The following VTI1B variants were observed in gnomAD, a reference collection of about 807,000 sequenced individuals.
VTI1B encodes the protein vesicle transport through interaction with t-SNAREs 1B.
VTI1B carries 18 observed loss-of-function variants against 28.6 expected under a neutral mutation model. The ratio of observed to expected loss-of-function variants is 0.63; its 90% confidence interval spans 0.43 to 0.93. VTI1B has a LOEUF of 0.93. Among genes scored for constraint, VTI1B ranks in the 40% least tolerant of loss-of-function variants. The pLI, the probability that VTI1B is intolerant of heterozygous loss-of-function variation, is 0.00. For missense variants in VTI1B, 283 were observed against 297.0 expected, an observed-to-expected ratio of 0.95 and a Z score of 0.35; for synonymous variants, 100 against 107.9, an observed-to-expected ratio of 0.93 and a Z score of 0.46.
At position 67,650,470 on chromosome 14, in the gene VTI1B, G is replaced by C. The variant is rs551371046; in HGVS notation, c.*915C>G. ...GACAATTATGCCTGTTATGTTAGTTGAACAGGGATGGTTTATTTCATTATC... is the reference window on the plus strand; with the variant it reads ...GACAATTATGCCTGTTATGTTAGTTCAACAGGGATGGTTTATTTCATTATC... On this transcript the variant is annotated 3_prime_UTR_variant, in exon 6 of 6. Transcript: ENST00000554659. 6.0e-5 allele frequency: 31 copies of C among 516,864 alleles called. No individual in the cohort carries two copies. In the East Asian group the frequency reaches 9.8e-4, roughly 16 times the overall value. The allele number at this position is 516,864 out of a possible 1,614,324, so 32.0% of individuals were successfully genotyped here.
chr14:67,651,047 C>CAATTGTAAA lies in VTI1B; in HGVS notation c.*329_*337dup. On this transcript the variant is annotated 3_prime_UTR_variant, in exon 6 of 6. Coordinates refer to ENST00000554659, the MANE Select transcript of VTI1B (RefSeq NM_006370.3). ...TAATGAGAACATTTACACATTCTCA[C>CAATTGTAAA]AATTGTAAAGTTTCCCCTCTATTTT... 1 of 1,118,474 alleles carries CAATTGTAAA rather than the reference C, an allele frequency of 8.9e-7. No homozygotes were observed. Among genetic ancestry groups the CAATTGTAAA allele is most frequent in the Non-Finnish European group, 1.3e-6 (1 of 783,034 alleles). 69.3% of individuals were successfully genotyped at this position (1,118,474 alleles called of 1,614,324 possible). A position where few individuals can be genotyped will look rare whatever the true frequency, so the allele number is the denominator to read the frequency against.
intron 3 of VTI1B, 136 bp from the exon 4 acceptor site, chr14:67,656,725 G>A (rs2037263223): frequency 1.0e-6 from 1 of 969,292 alleles, no homozygotes; most frequent in Non-Finnish European, 1.4e-6. Context: ...CAGAACCAAA[G>A]AAGCTAATGA....
At chr14:67,666,138 G>C (rs1216028898) in intron 1 of VTI1B, among the ~76,000 whole-genome samples, 1 of 152,230 alleles carries the variant, frequency 6.6e-6, no homozygotes. Context: ...AAGCCAGACA[G>C]TAAGAAGCAG....
At position 67,674,563 on chromosome 14, in the gene VTI1B, G is replaced by A. The variant is rs1405259590; in HGVS notation, c.-74C>T. 4 of 1,345,858 alleles carry A rather than the reference G, an allele frequency of 3.0e-6. No homozygotes were observed. Among genetic ancestry groups the A allele is most frequent in the South Asian group, 1.5e-5 (1 of 68,400 alleles). The allele number at this position is 1,345,858 out of a possible 1,614,324, so 83.4% of individuals were successfully genotyped here. A position where few individuals can be genotyped will look rare whatever the true frequency, so the allele number is the denominator to read the frequency against. ...CCCTTTCCTAGCCCGGCGGTCAGCC[G>A]CCCAGCCCAGTGGCCATAACGGCGA... On this transcript the variant is annotated 5_prime_UTR_variant, in exon 1 of 6. Transcript: ENST00000554659.
At chr14:67,660,093 G>C in intron 2 of VTI1B, 171 bp from the exon 3 acceptor site, 1 of 639,136 alleles carries the variant, frequency 1.6e-6, no homozygotes, top group Non-Finnish European at 2.6e-6. Context: ...CATTCTGAAT[G>C]CCTTGCATAG....
intron 1 of VTI1B, among the ~76,000 whole-genome samples, chr14:67,667,411 C>T (rs1018475295): frequency 6.6e-6 from 1 of 152,140 alleles, no homozygotes; most frequent in East Asian, 1.9e-4. Flanking sequence ...CCACACCATA[C>T]AAGAGTTAAA....
In VTI1B at chr14:67,648,393, A is replaced by G. The variant is rs759921355; in HGVS notation, c.*2992T>C. The G allele has an allele frequency of 1.1e-5, 5 of 444,594 alleles. No homozygotes were observed. The highest frequency in any genetic ancestry group is 1.9e-5 in the Non-Finnish European group (5 of 256,462). 27.5% of individuals were successfully genotyped at this position (444,594 alleles called of 1,614,324 possible). On this transcript the variant is annotated 3_prime_UTR_variant, in exon 6 of 6. Transcript: ENST00000554659. The stretch of plus-strand genomic sequence containing the variant: ...GACATGGCTCTTACCAAATTACACT[A>G]AGGTAATAATGAGTAAAAAATTGTA...
At position 67,647,827 on chromosome 14, in the gene VTI1B, A is replaced by C. The variant is rs2037120392; in HGVS notation, c.*3558T>G. On this transcript the variant is annotated 3_prime_UTR_variant, in exon 6 of 6. Transcript: ENST00000554659. ...AGTTAGTCTGTCTGAGGTATGCAGA[A>C]CAAATGGCAGTATCATGAAGTGGTA... 3.6e-6 allele frequency: 2 copies of C among 558,062 alleles called. No individual in the cohort carries two copies. The highest frequency in any genetic ancestry group is 6.4e-6 in the Non-Finnish European group (2 of 314,688). The allele number at this position is 558,062 out of a possible 1,614,324, so 34.6% of individuals were successfully genotyped here.
rs1346854998 is a variant in VTI1B at position 67,659,898 on chromosome 14, G to A, written c.199C>T (p.Arg67Cys). ...TTTCGGAAAGACAGGGGTGCATAAC[G>A]TAGCTCCTCCTCCATCTCTGCCAGC... ...ETLAEMEEEL[R>C]YAPLSFRNPM... Residue 67 changes from arginine (R) to cysteine (C), a missense_variant, in exon 3 of 6, where the codon CGT becomes TGT. Coordinates refer to ENST00000554659, the MANE Select transcript of VTI1B (RefSeq NM_006370.3). 4 of 1,613,640 alleles carry A rather than the reference G, an allele frequency of 2.5e-6. No individual in the cohort carries two copies. Among genetic ancestry groups the A allele is most frequent in the Middle Eastern group, 1.6e-4 (1 of 6,082 alleles).
chr14:67,656,659 C>A, intron 3 of VTI1B, 70 bp from the exon 4 acceptor site: 2 of 1,490,602 alleles, frequency 1.3e-6, no homozygotes, highest in South Asian at 1.4e-5. Flanking sequence ...TATTCCTCAT[C>A]ACCTTCCCCA....
intron 1 of VTI1B, among the ~76,000 whole-genome samples, chr14:67,672,554 T>G (rs1052187059): frequency 6.6e-6 from 1 of 151,232 alleles, no homozygotes; most frequent in African/African-American, 2.4e-5. Flanking sequence ...CAAGCAATTC[T>G]GCCTCAGCCT....
intron 1 of VTI1B, among the ~76,000 whole-genome samples, chr14:67,670,567 CT>C (rs71129845): frequency 0.11 from 16,404 of 148,136 alleles, 1,268 homozygotes; most frequent in South Asian, 0.34. Flanking sequence ...GGTTTGTTAC[CT>C]TTTTTTTTTT....
intron 1 of VTI1B, chr14:67,663,152 T>C (rs2037360621): frequency 3.3e-6 from 5 of 1,533,012 alleles, no homozygotes; most frequent in Non-Finnish European, 4.4e-6. Context: ...GTCCCTTTGG[T>C]TGAGTGTATC....
rs1250210702 is a variant in VTI1B, at chr14:67,647,142, T to G, written c.*4243A>C. On this transcript the variant is annotated 3_prime_UTR_variant, in exon 6 of 6. Transcript: ENST00000554659. ...ACAAAGCAAAAACATACACATAATT[T>G]TAAATAGTTCAGAAAGGCAAAATTT... The G allele has an allele frequency of 1.4e-6, 1 of 712,318 alleles. No homozygotes were observed. Among genetic ancestry groups the G allele is most frequent in the East Asian group, 2.7e-5 (1 of 37,388 alleles). The allele number at this position is 712,318 out of a possible 1,614,324, so 44.1% of individuals were successfully genotyped here.
At chr14:67,668,130 T>C (rs1232099473) in intron 1 of VTI1B, among the ~76,000 whole-genome samples, 1 of 152,172 alleles carries the variant, frequency 6.6e-6, no homozygotes, top group African/African-American at 2.4e-5. Flanking sequence ...AATGGAAAAC[T>C]TTCAATATTT....
At chr14:67,668,705 C>A (rs1371642588) in intron 1 of VTI1B, among the ~76,000 whole-genome samples, 1 of 152,168 alleles carries the variant, frequency 6.6e-6, no homozygotes, top group Admixed American at 6.5e-5. Flanking sequence ...CAGTGGCTTT[C>A]ACACTTAGCC....
intron 1 of VTI1B, among the ~76,000 whole-genome samples, chr14:67,666,424 T>A (rs1416888963): frequency 1.3e-5 from 2 of 152,240 alleles, no homozygotes; most frequent in African/African-American, 2.4e-5. Context: ...TTTCCTCTTA[T>A]AAGTGCTCTA....
chr14:67,661,078 G>C (rs888110323), intron 2 of VTI1B, among the ~76,000 whole-genome samples: 1 of 151,986 alleles, frequency 6.6e-6, no homozygotes, highest in South Asian at 2.1e-4. Context: ...TTGAAACACT[G>C]ATCTTCAACA....
intron 1 of VTI1B, among the ~76,000 whole-genome samples, chr14:67,669,448 T>C (rs1476434592): frequency 5.3e-5 from 8 of 151,804 alleles, no homozygotes; most frequent in Admixed American, 1.3e-4. Flanking sequence ...TTTTTTTTTT[T>C]GTAGAGATAG....
Sources: gnomAD v4.1 joint callset for allele counts (sites outside exome capture counted in the v4.1 genomes callset) on GRCh38, gnomAD v4.1.1 for gene constraint, MANE v1.5 for transcripts, NCBI Gene and HGNC (gene_info 2026-07-23, HGNC 2026-07-21) for gene names.